Variants in IKZF3 observed in about 807,000 individuals in gnomAD.
IKZF3 encodes zinc finger protein Aiolos.
A neutral mutation model predicts 49.0 loss-of-function variants in IKZF3; 10 were observed. The observed-to-expected ratio is 0.20, with a 90% CI of 0.13 to 0.35. The LOEUF is 0.35. IKZF3 is among the 10% of genes least tolerant of loss of function. The pLI, the probability that IKZF3 is intolerant of heterozygous loss-of-function variation, is 1.00. For missense variants in IKZF3, 498 were observed against 664.8 expected, an observed-to-expected ratio of 0.75 and a Z score of 2.76; for synonymous variants, 209 against 228.2, an observed-to-expected ratio of 0.92 and a Z score of 0.76.
chr17:39,782,687 G>A (rs1035708942), intron 6 of IKZF3, among the ~76,000 whole-genome samples: 7 of 152,092 alleles, frequency 4.6e-5, no homozygotes, highest in Non-Finnish European at 7.4e-5. Context: ...TTTAAATGAC[G>A]AAATAGGAAA....
At chr17:39,778,658 T>C (rs7224641) in intron 6 of IKZF3, among the ~76,000 whole-genome samples, 14,113 of 152,050 alleles carry the variant, frequency 0.093, 1,344 homozygotes, top group African/African-American at 0.25. Context: ...AAAATTAGCC[T>C]GGTGTGATGG....
rs114531977 is a variant in IKZF3, at chr17:39,824,153, C to T, written c.163+5234G>A. On this transcript the variant is annotated intron_variant, in intron 3 of 7. Coordinates refer to ENST00000346872, the MANE Select transcript of IKZF3 (RefSeq NM_012481.5). Reference sequence around the variant, plus strand: ...CATGGGAGCCCACCTCTTGCATCAGCGTGACGTGGATGTGAGACATGGAGT... The same window carrying T: ...CATGGGAGCCCACCTCTTGCATCAGTGTGACGTGGATGTGAGACATGGAGT... 2.4e-3 allele frequency among the ~76,000 whole-genome samples: 365 copies of T among 152,318 alleles called. 1 individual carries two copies. The highest frequency in any genetic ancestry group is 8.4e-3 in the African/African-American group (348 of 41,582).
intron 3 of IKZF3, among the ~76,000 whole-genome samples, chr17:39,827,091 G>A (rs1268100059): frequency 2.0e-5 from 3 of 151,096 alleles, no homozygotes; most frequent in East Asian, 2.0e-4. Flanking sequence ...TCTGCCTCCC[G>A]AGTCCAAGCA....
intron 3 of IKZF3, among the ~76,000 whole-genome samples, chr17:39,799,326 G>A (rs1044008082): frequency 6.6e-6 from 1 of 152,114 alleles, no homozygotes; most frequent in Non-Finnish European, 1.5e-5. Context: ...CTGTTATACT[G>A]CATCCTATTG....
chr17:39,829,472 C>T lies in IKZF3; in HGVS notation c.78G>A (p.Leu26=). ...QSVPAESAAV[L]NDYSLTKSHE... Reference sequence around the variant, plus strand: ...GAGATTTGGTTAAACTGTAGTCATTCAAAACCGCTGCACTTTCTAAAAGAT... The same window carrying T: ...GAGATTTGGTTAAACTGTAGTCATTTAAAACCGCTGCACTTTCTAAAAGAT... The change falls in exon 3 of 8, where the codon TTG becomes TTA. Residue 26 remains leucine, a synonymous_variant. Transcript: ENST00000346872. 6.2e-7 allele frequency: 1 copy of T among 1,613,184 alleles called. No individual in the cohort carries two copies. Among genetic ancestry groups the T allele is most frequent in the Non-Finnish European group, 8.5e-7 (1 of 1,179,172 alleles).
intron 1 of IKZF3, among the ~76,000 whole-genome samples, chr17:39,851,547 A>C (rs749638141): frequency 3.9e-5 from 6 of 152,138 alleles, no homozygotes; most frequent in African/African-American, 7.2e-5. Context: ...TGAGGAAAAG[A>C]AGCTAGACCC....
intron 1 of IKZF3, among the ~76,000 whole-genome samples, chr17:39,846,358 A>G (rs1439897905): frequency 1.3e-5 from 2 of 152,174 alleles, no homozygotes; most frequent in African/African-American, 2.4e-5. Context: ...AGTATAGAAA[A>G]CAAGACTTCA....
chr17:39,812,429 C>T (rs896079725), intron 3 of IKZF3, among the ~76,000 whole-genome samples: 2 of 152,034 alleles, frequency 1.3e-5, no homozygotes, highest in Non-Finnish European at 1.5e-5. Context: ...AGCTCAGGAT[C>T]GGGGAAGGGC....
intron 3 of IKZF3, among the ~76,000 whole-genome samples, chr17:39,819,269 A>T (rs1188196204): frequency 6.6e-6 from 1 of 152,370 alleles, no homozygotes; most frequent in Admixed American, 6.5e-5. Flanking sequence ...TATAACATAA[A>T]TTATAAATTC....
intron 7 of IKZF3, among the ~76,000 whole-genome samples, chr17:39,773,382 C>A (rs1218425830): frequency 6.6e-6 from 1 of 152,170 alleles, no homozygotes; most frequent in Non-Finnish European, 1.5e-5. Flanking sequence ...GGACATCAGG[C>A]CTTTGGGAAG....
At chr17:39,836,723 T>G (rs1408215700) in intron 1 of IKZF3, among the ~76,000 whole-genome samples, 1 of 152,172 alleles carries the variant, frequency 6.6e-6, no homozygotes, top group Admixed American at 6.5e-5. Flanking sequence ...ATTATACACT[T>G]CACATAAAAT....
intron 7 of IKZF3, 122 bp downstream of exon 7, chr17:39,777,529 C>T (rs1242295971): frequency 4.7e-6 from 3 of 632,276 alleles, no homozygotes; most frequent in Non-Finnish European, 8.3e-6. Context: ...TAAAAGTACA[C>T]AATGAAAAAC....
chr17:39,791,231 T>A (rs776280143), intron 5 of IKZF3, among the ~76,000 whole-genome samples, 185 bp downstream of exon 5: 1 of 152,174 alleles, frequency 6.6e-6, no homozygotes, highest in Non-Finnish European at 1.5e-5. Flanking sequence ...TCATCTCCAC[T>A]GAGGCAGACG....
intron 4 of IKZF3, 41 bp from the exon 5 acceptor site, chr17:39,791,624 A>G (rs2061024143): frequency 6.2e-7 from 1 of 1,601,172 alleles, no homozygotes; most frequent in Non-Finnish European, 8.6e-7. Context: ...GTCACAGGCA[A>G]GTGGAGAAAC....
chr17:39,850,080 C>CTATATGT (rs1568062134), intron 1 of IKZF3, among the ~76,000 whole-genome samples: 1 of 58,036 alleles, frequency 1.7e-5, no homozygotes, highest in Non-Finnish European at 4.6e-5. Flanking sequence ...ATACTATATG[C>CTATATGT]ATATATACTA....
At position 39,848,561 on chromosome 17, in the gene IKZF3, G is replaced by A. The variant is rs373843859; in HGVS notation, c.7+15559C>T. 6.6e-5 allele frequency among the ~76,000 whole-genome samples: 10 copies of A among 152,228 alleles called. No individual in the cohort carries two copies. The East Asian group carries it at 1.3e-3, about 21-fold the overall frequency. On this transcript the variant is annotated intron_variant, in intron 1 of 7. Transcript: ENST00000346872. Reference sequence around the variant, plus strand: ...CTAGTTTTATAACTGTAAAATAGCTGGAGCCAAAAATAGAATCATTAATTT... The same window carrying A: ...CTAGTTTTATAACTGTAAAATAGCTAGAGCCAAAAATAGAATCATTAATTT...
At chr17:39,849,664 AAAAC>A (rs144705303) in intron 1 of IKZF3, among the ~76,000 whole-genome samples, 1 of 152,090 alleles carries the variant, frequency 6.6e-6, no homozygotes, top group Non-Finnish European at 1.5e-5. Context: ...GAAAAAAAAC[AAAAC>A]AAACAAACAA....
intron 3 of IKZF3, among the ~76,000 whole-genome samples, chr17:39,816,506 C>T (rs1214873418): frequency 6.6e-6 from 1 of 152,158 alleles, no homozygotes; most frequent in Non-Finnish European, 1.5e-5. Context: ...TATGTATCTT[C>T]TACAGTTGTC....
intron 1 of IKZF3, among the ~76,000 whole-genome samples, chr17:39,837,320 G>C (rs1212269703): frequency 6.6e-6 from 1 of 152,048 alleles, no homozygotes; most frequent in Non-Finnish European, 1.5e-5. Flanking sequence ...ATTTTTAATA[G>C]TGCAATTATC....
Sources: gnomAD v4.1 joint callset for allele counts (sites outside exome capture counted in the v4.1 genomes callset) on GRCh38, gnomAD v4.1.1 for gene constraint, MANE v1.5 for transcripts, NCBI Gene and HGNC (gene_info 2026-07-23, HGNC 2026-07-21) for gene names.